Variants in CSNK2B observed in about 807,000 individuals in gnomAD.
CSNK2B encodes the protein casein kinase II subunit beta.
CSNK2B carries 2 observed loss-of-function variants against 28.8 expected under a neutral mutation model. The observed-to-expected ratio is 0.07, with a 90% confidence interval of 0.03 to 0.22. CSNK2B has a LOEUF of 0.22. Among genes scored for constraint, CSNK2B ranks in the 10% least tolerant of loss-of-function variants. The pLI is 1.00. For synonymous variants in CSNK2B, 89 were observed against 96.1 expected (o/e 0.93, Z 0.43); for missense variants, 107 against 277.9 (o/e 0.39, Z 4.37).
rs139131793 is a variant in CSNK2B at position 31,667,903 on chromosome 6, T to C, written c.108T>C (p.Leu36=). The C allele has an allele frequency of 4.5e-6, 7 of 1,542,652 alleles. No homozygotes were observed. ...DEDYIQDKFN[L]TGLNEQVPHY... is the part of the protein sequence containing the mutation. ...ACTACATCCAGGACAAATTTAATCTTACTGGACTCAATGAGCAGGTCCCTC... is the reference window on the plus strand; with the variant it reads ...ACTACATCCAGGACAAATTTAATCTCACTGGACTCAATGAGCAGGTCCCTC... Residue 36 remains leucine (L), a synonymous_variant, in exon 3 of 7, where the codon CTT becomes CTC. Transcript: ENST00000375882.
rs1371307468 is a variant in CSNK2B, at chr6:31,669,892, G to A, written c.614G>A (p.Ser205Asn). The A allele has an allele frequency of 6.2e-7, 1 of 1,612,970 alleles. No individual in the cohort carries two copies. The highest frequency in any genetic ancestry group is 1.7e-5 in the Admixed American group (1 of 60,010). ...TACCAGCTGCAGCTCCAAGCCGCCAGCAACTTCAAGAGCCCAGTCAAGACG... is the reference window on the plus strand; with the variant it reads ...TACCAGCTGCAGCTCCAAGCCGCCAACAACTTCAAGAGCCCAGTCAAGACG... ...MAYQLQLQAA[S>N]NFKSPVKTIR The change falls in exon 7 of 7, where the codon AGC becomes AAC. Residue 205 changes from serine (S) to asparagine (N), a missense_variant. Coordinates refer to ENST00000375882, the MANE Select transcript of CSNK2B (RefSeq NM_001320.7). This position sits in a 1 kb window ranked among gnomAD's most constrained non-coding sequence, Gnocchi z 4.8.
At chr6:31,667,376 C>T in intron 2 of CSNK2B, 2 of 358,016 alleles carry the variant, frequency 5.6e-6, no homozygotes, top group Non-Finnish European at 1.1e-5. Context: ...AGGTGATCTG[C>T]CTGCCTCGGC....
chr6:31,669,221 G>A lies in CSNK2B; in HGVS notation c.367+49G>A, dbSNP rs372025688. The stretch of plus-strand genomic sequence containing the variant: ...AAAGCACCGTGTGGCAGTCTTATGG[G>A]AAGGAGTTGGGGCTCAACACATTGG... On this transcript the variant is annotated intron_variant, in intron 5 of 6. Coordinates refer to ENST00000375882, the MANE Select transcript of CSNK2B (RefSeq NM_001320.7). This position sits in a 1 kb window ranked among gnomAD's most constrained non-coding sequence, Gnocchi z 4.8. The A allele has an allele frequency of 1.4e-5, 23 of 1,605,228 alleles. No homozygotes were observed. In the African/African-American group the frequency reaches 2.5e-4, roughly 18 times the overall value.
chr6:31,668,184 T>C, intron 3 of CSNK2B: 2 of 369,130 alleles, frequency 5.4e-6, no homozygotes, highest in Non-Finnish European at 8.6e-6. Flanking sequence ...TTCAGACCTA[T>C]TCCAAAATGC....
chr6:31,666,720 T>A, intron 1 of CSNK2B, 101 bp from the exon 2 acceptor site: 1 of 876,760 alleles, frequency 1.1e-6, no homozygotes, highest in South Asian at 1.7e-5. Context: ...AAAGGGTGGT[T>A]CCGAATTCTC....
intron 4 of CSNK2B, chr6:31,668,875 G>T (rs867431778): frequency 1.8e-5 from 11 of 610,988 alleles, no homozygotes; most frequent in Middle Eastern, 8.7e-4. Flanking sequence ...GTGATAGACT[G>T]CCTCTTCCTC....
At chr6:31,668,075 T>G in intron 3 of CSNK2B, 105 bp downstream of exon 3, 1 of 784,126 alleles carries the variant, frequency 1.3e-6, no homozygotes, top group Non-Finnish European at 2.2e-6. Flanking sequence ...TTCTCTGATT[T>G]CTTTAACCCC....
intron 3 of CSNK2B, chr6:31,668,180 C>T (rs1357708483): frequency 3.4e-6 from 2 of 596,606 alleles, no homozygotes; most frequent in Non-Finnish European, 5.8e-6. Context: ...GCAATTCAGA[C>T]CTATTCCAAA....
At chr6:31,666,746 C>A in intron 1 of CSNK2B, 75 bp from the exon 2 acceptor site, 1 of 1,241,042 alleles carries the variant, frequency 8.1e-7, no homozygotes, top group Non-Finnish European at 1.1e-6. Context: ...GTTGGAGGGC[C>A]GAATGTGGGA....
chr6:31,669,559 C>T lies in CSNK2B; in HGVS notation c.557+51C>T. 6.4e-7 allele frequency: 1 copy of T among 1,570,442 alleles called. No homozygotes were observed. Among genetic ancestry groups the T allele is most frequent in the Non-Finnish European group, 8.6e-7 (1 of 1,161,018 alleles). Reference sequence around the variant, plus strand: ...GGTCAAAGGAAAGGCCCAAGATCCCCCAGAGAGGGGAGGACAGGGCATGGC... The same window carrying T: ...GGTCAAAGGAAAGGCCCAAGATCCCTCAGAGAGGGGAGGACAGGGCATGGC... On this transcript the variant is annotated intron_variant, in intron 6 of 6. Coordinates refer to ENST00000375882, the MANE Select transcript of CSNK2B (RefSeq NM_001320.7). The surrounding 1 kb of genome is among the most constrained non-coding windows in gnomAD (Gnocchi z 4.8).
rs148907940 is a variant in CSNK2B, at chr6:31,667,319, A to T, written c.72+416A>T. 356 of 369,226 alleles carry T rather than the reference A, an allele frequency of 9.6e-4. 1 individual carries two copies. The highest frequency in any genetic ancestry group is 7.1e-3 in the African/African-American group (336 of 47,214). 22.9% of individuals were successfully genotyped at this position (369,226 alleles called of 1,614,324 possible). ...GCTAATTTTTGTATTTTTAGTAGAG[A>T]CAGGGTTTCACTATGTTGGCCAGGC... is the stretch of plus-strand genomic sequence containing the variant. On this transcript the variant is annotated intron_variant, in intron 2 of 6. Transcript: ENST00000375882.
At chr6:31,667,063 T>C (rs964854963) in intron 2 of CSNK2B, 160 bp downstream of exon 2, 7 of 723,546 alleles carry the variant, frequency 9.7e-6, no homozygotes, top group Non-Finnish European at 1.7e-5. Flanking sequence ...TGTGCTAAAG[T>C]GGCAAAACTG....
rs1801959370 is a variant in CSNK2B at position 31,668,570 on chromosome 6, T to C, written c.207T>C (p.Ser69=). The C allele has an allele frequency of 6.2e-7, 1 of 1,612,908 alleles. No homozygotes were observed. The highest frequency in any genetic ancestry group is 8.5e-7 in the Non-Finnish European group (1 of 1,179,980). ...AACTGGAAGACAACCCCAACCAGAG[T>C]GACCTGATTGAGCAGGCAGCCGAGA... The part of the protein sequence containing the change: ...DEELEDNPNQ[S]DLIEQAAEML... Residue 69 remains serine (S), a synonymous_variant, in exon 4 of 7, where the codon AGT becomes AGC. Coordinates refer to ENST00000375882, the MANE Select transcript of CSNK2B (RefSeq NM_001320.7).
rs932048178 is a variant in CSNK2B at position 31,666,081 on chromosome 6, A to G, written c.-139A>G. The G allele has an allele frequency of 2.0e-6, 2 of 987,324 alleles. No homozygotes were observed. Among genetic ancestry groups the G allele is most frequent in the Admixed American group, 5.9e-5 (1 of 16,966 alleles). 61.2% of individuals were successfully genotyped at this position (987,324 alleles called of 1,614,324 possible). ...GTTGCCCTCTTCCCCACCCTCCCTA[A>G]TTTCCACTCCCCCCACCCCACTTCG... On this transcript the variant is annotated 5_prime_UTR_variant, in exon 1 of 7. Coordinates refer to ENST00000375882, the MANE Select transcript of CSNK2B (RefSeq NM_001320.7).
intron 1 of CSNK2B, 136 bp downstream of exon 1, chr6:31,666,344 G>A (rs910240352): frequency 7.7e-6 from 2 of 258,268 alleles, no homozygotes; most frequent in Non-Finnish European, 1.2e-5. Context: ...CTGAGGAGCG[G>A]AGGGGGGATG....
rs757017240 is a variant in CSNK2B at position 31,669,936 on chromosome 6, C to T, written c.*10C>T. On this transcript the variant is annotated 3_prime_UTR_variant, in exon 7 of 7. Transcript: ENST00000375882. This position sits in a 1 kb window ranked among gnomAD's most constrained non-coding sequence, Gnocchi z 4.8. ...CAAGACGATTCGCTGATTCCCTCCC[C>T]CACCTGTCCTGCAGTCTTTGACTTT... The T allele has an allele frequency of 5.6e-6, 9 of 1,610,870 alleles. No homozygotes were observed. The highest frequency in any genetic ancestry group is 7.6e-6 in the Non-Finnish European group (9 of 1,178,850).
intron 2 of CSNK2B, chr6:31,667,115 T>A (rs1562046757): frequency 1.4e-6 from 1 of 698,532 alleles, no homozygotes. Flanking sequence ...CAATATAACG[T>A]TGGGCTAGTC....
In CSNK2B at chr6:31,668,113, C is replaced by T. The variant is rs572322121; in HGVS notation, c.175+143C>T. ...ATTCATGCTTTATTTTGATCCTCCA[C>T]CTGACTCTTGTCTAGTTTTGTGACG... On this transcript the variant is annotated intron_variant, in intron 3 of 6. Transcript: ENST00000375882. 5.9e-5 allele frequency: 42 copies of T among 708,756 alleles called. No homozygotes were observed. The East Asian group carries it at 1.0e-3, about 17-fold the overall frequency. 43.9% of individuals were successfully genotyped at this position (708,756 alleles called of 1,614,324 possible). A position where few individuals can be genotyped will look rare whatever the true frequency, so the allele number is the denominator to read the frequency against.
Position 31,666,831 on chromosome 6 carries a change from G to T in CSNK2B, c.-1G>T. On this transcript the variant is annotated 5_prime_UTR_variant, in exon 2 of 7. Coordinates refer to ENST00000375882, the MANE Select transcript of CSNK2B (RefSeq NM_001320.7). Reference sequence around the variant, plus strand: ...CTGTTCTTTTTCTAGCTGACGTGAAGATGAGCAGCTCAGAGGAGGTGTCCT... The same window carrying T: ...CTGTTCTTTTTCTAGCTGACGTGAATATGAGCAGCTCAGAGGAGGTGTCCT... The T allele has an allele frequency of 6.2e-7, 1 of 1,612,894 alleles. No homozygotes were observed. Among genetic ancestry groups the T allele is most frequent in the East Asian group, 2.2e-5 (1 of 44,862 alleles).
Sources: allele counts gnomAD v4.1 joint callset, GRCh38; gene constraint gnomAD v4.1.1; non-coding constraint Gnocchi (gnomAD v3.1); transcripts MANE v1.5; gene names NCBI Gene and HGNC (gene_info 2026-07-23, HGNC 2026-07-21).